MCTP1: variants seen among roughly 807,000 people sequenced by gnomAD.
MCTP1 encodes the protein multiple C2 and transmembrane domain containing 1, also known as multiple C2 and transmembrane domain-containing protein 1.
In MCTP1, 69 loss-of-function variants were observed where a neutral mutation model predicts 120.6. The observed-to-expected ratio is 0.57, with a 90% CI of 0.47 to 0.70. The LOEUF (loss-of-function observed/expected upper bound fraction) is 0.70. MCTP1 is among the 30% of genes least tolerant of loss of function. The probability of loss-of-function intolerance (pLI) is 0.00; values close to 1 mark genes in which losing one functional copy is unlikely to be tolerated. For synonymous variants in MCTP1, 529 were observed against 493.1 expected, an observed-to-expected ratio of 1.07 and a Z score of -0.96; for missense variants, 1,203 against 1,248.8, an observed-to-expected ratio of 0.96 and a Z score of 0.55.
chr5:94,871,130 C>T (rs1797777026), intron 14 of MCTP1, among the ~76,000 whole-genome samples, 157 bp from the exon 15 acceptor site: 2 of 151,902 alleles, frequency 1.3e-5, no homozygotes, highest in Non-Finnish European at 2.9e-5. Context: ...TCAAGTCTGT[C>T]AGGAAAAATT....
intron 1 of MCTP1, among the ~76,000 whole-genome samples, chr5:95,280,710 A>G (rs1760247481): frequency 6.6e-6 from 1 of 152,218 alleles, no homozygotes; most frequent in Admixed American, 6.5e-5. Context: ...CCCAACAGCA[A>G]GGCATTATTA....
chr5:94,798,699 TAA>T (rs1255090150), intron 18 of MCTP1, among the ~76,000 whole-genome samples: 4 of 152,126 alleles, frequency 2.6e-5, no homozygotes, highest in Non-Finnish European at 5.9e-5. Context: ...CAGGATTCAT[TAA>T]GATATAACAA....
chr5:94,953,366 T>C lies in MCTP1; in HGVS notation c.839-5A>G. On this transcript the variant is annotated splice_region_variant and splice_polypyrimidine_tract_variant and intron_variant, in intron 2 of 22. Transcript: ENST00000515393. ...TCACATATGGATCACTCGTCCCTGT[T>C]AAATAGATAGATTGATCCATGTTAA... The C allele has an allele frequency of 6.3e-7, 1 of 1,591,256 alleles. No individual in the cohort carries two copies. The highest frequency in any genetic ancestry group is 1.3e-5 in the African/African-American group (1 of 74,154).
At chr5:95,151,647 G>A (rs954977157) in intron 1 of MCTP1, among the ~76,000 whole-genome samples, 6 of 152,172 alleles carry the variant, frequency 3.9e-5, no homozygotes, top group Non-Finnish European at 8.8e-5. Context: ...TGGACTCTCT[G>A]CAATGCTGTA....
intron 9 of MCTP1, among the ~76,000 whole-genome samples, chr5:94,909,875 A>G (rs865824911): frequency 1.2e-4 from 18 of 152,166 alleles, no homozygotes; most frequent in Middle Eastern, 3.4e-3. Context: ...TGAGAGCAGG[A>G]GAAAAACGCA....
At chr5:95,168,450 A>G (rs1397149391) in intron 1 of MCTP1, among the ~76,000 whole-genome samples, 4 of 152,168 alleles carry the variant, frequency 2.6e-5, no homozygotes, top group East Asian at 1.9e-4. Flanking sequence ...TTGGTAGCTT[A>G]ATGGGGATGG....
At chr5:94,984,623 T>A (rs1163125563) in intron 2 of MCTP1, among the ~76,000 whole-genome samples, 1 of 152,154 alleles carries the variant, frequency 6.6e-6, no homozygotes, top group East Asian at 1.9e-4. Context: ...TACCTTCTTT[T>A]AAGCATGGAT....
At chr5:94,935,508 T>C (rs1156946651) in intron 5 of MCTP1, among the ~76,000 whole-genome samples, 1 of 152,066 alleles carries the variant, frequency 6.6e-6, no homozygotes, top group Non-Finnish European at 1.5e-5. Flanking sequence ...TTTATTCACA[T>C]TAATGTTCTA....
chr5:94,847,434 G>C (rs555525154), intron 17 of MCTP1, among the ~76,000 whole-genome samples: 2 of 151,630 alleles, frequency 1.3e-5, no homozygotes, highest in Admixed American at 6.6e-5. Context: ...TACATCTCCC[G>C]AGAAAATGAA....
At chr5:95,162,553 A>G (rs1745863119) in intron 1 of MCTP1, among the ~76,000 whole-genome samples, 1 of 152,234 alleles carries the variant, frequency 6.6e-6, no homozygotes, top group Non-Finnish European at 1.5e-5. Flanking sequence ...ACTTCATCAA[A>G]TGACATTCTA....
chr5:95,219,178 G>A (rs1055541790), intron 1 of MCTP1, among the ~76,000 whole-genome samples: 20 of 151,932 alleles, frequency 1.3e-4, no homozygotes, highest in African/African-American at 1.7e-4. Flanking sequence ...TCAGGAGATC[G>A]AGACCATCCT....
chr5:94,754,431 T>C (rs1769247319), intron 19 of MCTP1, among the ~76,000 whole-genome samples: 1 of 152,246 alleles, frequency 6.6e-6, no homozygotes, highest in Non-Finnish European at 1.5e-5. Flanking sequence ...TAAATCTCAA[T>C]AACCACGTTA....
At chr5:95,100,114 G>A (rs1200211957) in intron 1 of MCTP1, among the ~76,000 whole-genome samples, 3 of 137,592 alleles carry the variant, frequency 2.2e-5, no homozygotes, top group Non-Finnish European at 4.6e-5. Context: ...CACACTCTGG[G>A]GACTGTTGTG....
At chr5:95,061,408 G>GTTTTTTTTT (rs556663513) in intron 1 of MCTP1, among the ~76,000 whole-genome samples, 6 of 33,484 alleles carry the variant, frequency 1.8e-4, no homozygotes, top group South Asian at 1.1e-3. Flanking sequence ...CCCCTTAAGG[G>GTTTTTTTTT]TTTTTTTTTT....
chr5:95,280,626 C>A (rs1760238490), intron 1 of MCTP1, among the ~76,000 whole-genome samples: 1 of 152,104 alleles, frequency 6.6e-6, no homozygotes, highest in Non-Finnish European at 1.5e-5. Flanking sequence ...ACACGTGAAC[C>A]AGAATCAGTG....
rs183008701 is a variant in MCTP1 at position 94,822,040 on chromosome 5, T to G, written c.2437-22908A>C. 2.0e-5 allele frequency among the ~76,000 whole-genome samples: 3 copies of G among 152,306 alleles called. No individual in the cohort carries two copies. In the East Asian group the frequency reaches 5.8e-4, roughly 29 times the overall value. The stretch of plus-strand genomic sequence containing the variant: ...TGCAGTTTTGCCATTAAATTTTTTT[T>G]GCATGGTTTTCATATCTGTTAATTA... On this transcript the variant is annotated intron_variant, in intron 17 of 22. Transcript: ENST00000515393.
intron 1 of MCTP1, among the ~76,000 whole-genome samples, chr5:95,069,339 C>A (rs1751507567): frequency 6.6e-6 from 1 of 152,122 alleles, no homozygotes; most frequent in Admixed American, 6.5e-5. Context: ...TCTTTCATGA[C>A]AGAAGCCAAG....
chr5:94,933,189 C>CT (rs879663688), intron 5 of MCTP1, among the ~76,000 whole-genome samples: 18 of 148,598 alleles, frequency 1.2e-4, no homozygotes, highest in Non-Finnish European at 2.4e-4. Context: ...ATCACGCCTA[C>CT]TTTTTTTTTT....
chr5:94,836,675 C>T (rs1030686828), intron 17 of MCTP1, among the ~76,000 whole-genome samples: 1 of 152,166 alleles, frequency 6.6e-6, no homozygotes, highest in African/African-American at 2.4e-5. Flanking sequence ...CCTGATTGCC[C>T]ATAGTTTTGT....
Sources: gnomAD v4.1 joint callset for allele counts (sites outside exome capture counted in the v4.1 genomes callset) on GRCh38, gnomAD v4.1.1 for gene constraint, MANE v1.5 for transcripts, NCBI Gene and HGNC (gene_info 2026-07-23, HGNC 2026-07-21) for gene names.